The following LGMN variants were observed in gnomAD, a reference collection of about 807,000 sequenced individuals.
LGMN encodes the protein asparaginyl endopeptidase.
LGMN carries 36 observed loss-of-function variants against 56.8 expected under a neutral mutation model. The ratio of observed to expected loss-of-function variants is 0.63; its 90% CI spans 0.49 to 0.84. The LOEUF is 0.84. LGMN is among the 40% of genes least tolerant of loss of function. The pLI is 0.00. For missense variants in LGMN, 446 were observed against 556.1 expected (o/e 0.80, Z 1.99); for synonymous variants, 199 against 210.1 (o/e 0.95, Z 0.46).
At chr14:92,705,805 T>C (rs1889400346) in intron 12 of LGMN, among the ~76,000 whole-genome samples, 2 of 152,042 alleles carry the variant, frequency 1.3e-5, no homozygotes, top group South Asian at 2.1e-4. Flanking sequence ...TTTTGGTATA[T>C]TTAGTAGAGA....
intron 2 of LGMN, among the ~76,000 whole-genome samples, chr14:92,726,774 C>T (rs1014477156): frequency 5.3e-5 from 8 of 152,170 alleles, no homozygotes; most frequent in African/African-American, 1.9e-4. Flanking sequence ...GGCCACCTTC[C>T]TTTCCACCAG....
intron 8 of LGMN, among the ~76,000 whole-genome samples, chr14:92,712,541 C>G (rs753627437): frequency 3.7e-4 from 56 of 152,262 alleles, no homozygotes; most frequent in Admixed American, 7.2e-4. Flanking sequence ...GGAGGCTAGT[C>G]CAAAGCCCAT....
chr14:92,748,041 T>G (rs751791537), intron 1 of LGMN, among the ~76,000 whole-genome samples: 4 of 152,146 alleles, frequency 2.6e-5, no homozygotes, highest in African/African-American at 4.8e-5. Context: ...CTTGGGTATT[T>G]CTGTTGTCGT....
Position 92,719,362 on chromosome 14 carries a change from A to G in LGMN, c.139-518T>C, listed in dbSNP as rs1348818512. Among the ~76,000 whole-genome samples the G allele has an allele frequency of 7.2e-4, 93 of 129,328 alleles. 1 individual carries two copies. The highest frequency in any genetic ancestry group is 1.2e-3 in the South Asian group (5 of 4,186). The allele number at this position is 129,328 out of a possible 152,430, so 84.8% of individuals were successfully genotyped here. ...CATCACCGCCACCACCACCAACACC[A>G]CCACCACCACCAACACCGCCACCAA... On this transcript the variant is annotated intron_variant, in intron 2 of 13. Transcript: ENST00000334869.
chr14:92,733,101 C>T (rs984575097), intron 1 of LGMN, among the ~76,000 whole-genome samples: 8 of 146,218 alleles, frequency 5.5e-5, no homozygotes, highest in African/African-American at 1.8e-4. Flanking sequence ...GTGAGCTAGA[C>T]TGTGCAACCA....
Position 92,714,340 on chromosome 14 carries a change from C to T in LGMN, c.480+36G>A. 1.4e-6 allele frequency: 2 copies of T among 1,380,288 alleles called. No individual in the cohort carries two copies. Among genetic ancestry groups the T allele is most frequent in the Non-Finnish European group, 2.1e-6 (2 of 969,454 alleles). 85.5% of individuals were successfully genotyped at this position (1,380,288 alleles called of 1,614,324 possible). ...CGACACCTAGGCTTGCTTTTCTGTT[C>T]TGCTAGTTTGTCCTTAAAACGTTAA... On this transcript the variant is annotated intron_variant, in intron 6 of 13. Coordinates refer to ENST00000334869, the MANE Select transcript of LGMN (RefSeq NM_005606.7). The surrounding 1 kb of genome is among the most constrained non-coding windows in gnomAD (Gnocchi z 5.1).
intron 1 of LGMN, among the ~76,000 whole-genome samples, chr14:92,735,229 C>T (rs951342731): frequency 2.6e-5 from 4 of 151,894 alleles, no homozygotes; most frequent in African/African-American, 7.3e-5. Flanking sequence ...TTTTTTGAGA[C>T]GGTGTCTTGC....
At chr14:92,744,570 T>G (rs1891729071) in intron 1 of LGMN, among the ~76,000 whole-genome samples, 1 of 152,104 alleles carries the variant, frequency 6.6e-6, no homozygotes, top group South Asian at 2.1e-4. Context: ...GACTTTATCT[T>G]TTTTTTAAGG....
intron 1 of LGMN, among the ~76,000 whole-genome samples, chr14:92,747,887 T>C (rs947172495): frequency 1.3e-5 from 2 of 152,146 alleles, no homozygotes; most frequent in African/African-American, 4.8e-5. Context: ...CACGTAGGTA[T>C]AACCTCAAAT....
chr14:92,719,236 GCCA>G (rs1441977271), intron 2 of LGMN, among the ~76,000 whole-genome samples: 44,197 of 72,056 alleles, frequency 0.61, 12,774 homozygotes, highest in East Asian at 0.75. Flanking sequence ...CACCGCCACC[GCCA>G]CCACCGCCAC....
intron 11 of LGMN, 62 bp from the exon 12 acceptor site, chr14:92,706,715 G>C (rs1889451309): frequency 7.0e-7 from 1 of 1,436,844 alleles, no homozygotes; most frequent in Non-Finnish European, 9.3e-7. Context: ...AGGGACCCAG[G>C]TGCGGTGAGA....
intron 2 of LGMN, among the ~76,000 whole-genome samples, chr14:92,730,308 C>A (rs1359955319): frequency 1.3e-5 from 2 of 152,134 alleles, no homozygotes; most frequent in Non-Finnish European, 2.9e-5. Flanking sequence ...TCCTATTCGG[C>A]TAACATACAA....
chr14:92,722,763 G>A (rs1394520003), intron 2 of LGMN, among the ~76,000 whole-genome samples: 1 of 152,114 alleles, frequency 6.6e-6, no homozygotes, highest in African/African-American at 2.4e-5. Flanking sequence ...CTGTATCACT[G>A]AGCCAAAAAT....
At chr14:92,704,811 C>A in intron 12 of LGMN, 104 bp from the exon 13 acceptor site, 4 of 911,554 alleles carry the variant, frequency 4.4e-6, no homozygotes, top group South Asian at 2.6e-5. Context: ...GTGGCTCTTG[C>A]CCTATTTTGG....
rs1889953738 is a variant in LGMN, at chr14:92,714,341, T to C, written c.480+35A>G. 5 of 1,384,702 alleles carry C rather than the reference T, an allele frequency of 3.6e-6. No homozygotes were observed. In the East Asian group the frequency reaches 1.1e-4, roughly 32 times the overall value. The allele number at this position is 1,384,702 out of a possible 1,614,324, so 85.8% of individuals were successfully genotyped here. On this transcript the variant is annotated intron_variant, in intron 6 of 13. Coordinates refer to ENST00000334869, the MANE Select transcript of LGMN (RefSeq NM_005606.7). This position sits in a 1 kb window ranked among gnomAD's most constrained non-coding sequence, Gnocchi z 5.1. ...GACACCTAGGCTTGCTTTTCTGTTC[T>C]GCTAGTTTGTCCTTAAAACGTTAAG...
chr14:92,712,376 G>A (rs1595531130), intron 8 of LGMN, among the ~76,000 whole-genome samples: 1 of 152,210 alleles, frequency 6.6e-6, no homozygotes, highest in Non-Finnish European at 1.5e-5. Context: ...CATGGGCTTA[G>A]AATTGTGCTG....
At chr14:92,712,117 G>C (rs1037731612) in intron 8 of LGMN, among the ~76,000 whole-genome samples, 162 bp from the exon 9 acceptor site, 1 of 152,264 alleles carries the variant, frequency 6.6e-6, no homozygotes, top group Non-Finnish European at 1.5e-5. Flanking sequence ...TTGTGTATTC[G>C]ATTACAATAA....
At chr14:92,733,860 A>G (rs936225650) in intron 1 of LGMN, 1 of 151,852 alleles carries the variant, frequency 6.6e-6, no homozygotes, top group Non-Finnish European at 1.5e-5. Context: ...AATTTTAAAA[A>G]TAAATAAAAT....
chr14:92,724,175 C>G (rs1235373742), intron 2 of LGMN, among the ~76,000 whole-genome samples: 12 of 152,158 alleles, frequency 7.9e-5, no homozygotes, highest in Admixed American at 2.0e-4. Flanking sequence ...TAAACTAGGC[C>G]TCAATAAAGT....
Sources: gnomAD v4.1 joint callset for allele counts (sites outside exome capture counted in the v4.1 genomes callset) on GRCh38, gnomAD v4.1.1 for gene constraint, Gnocchi (gnomAD v3.1) non-coding constraint, MANE v1.5 for transcripts, NCBI Gene and HGNC (gene_info 2026-07-23, HGNC 2026-07-21) for gene names.